The following APPBP2 variants were observed in gnomAD, a reference collection of about 807,000 sequenced individuals.
The protein encoded by APPBP2 is amyloid beta precursor protein binding protein 2.
A neutral mutation model predicts 76.0 loss-of-function variants in APPBP2; 15 were observed. The observed-to-expected ratio is 0.20, with a 90% CI of 0.13 to 0.30. The LOEUF (loss-of-function observed/expected upper bound fraction) is 0.30. Ranked by LOEUF, APPBP2 falls within the 10% of genes least tolerant of loss-of-function variation. APPBP2 has a pLI of 1.00. For synonymous variants in APPBP2, 222 were observed against 242.2 expected (o/e 0.92, Z 0.77); for missense variants, 401 against 687.2 (o/e 0.58, Z 4.66).
chr17:60,492,342 C>A (rs530200676), intron 3 of APPBP2, among the ~76,000 whole-genome samples: 4 of 152,342 alleles, frequency 2.6e-5, no homozygotes, highest in East Asian at 1.9e-4. Flanking sequence ...CCCACTGGGG[C>A]ACTGCCTAGT....
In APPBP2 at chr17:60,500,368, A is replaced by G. The variant is rs200751353; in HGVS notation, c.227+31T>C. On this transcript the variant is annotated intron_variant, in intron 2 of 12. Coordinates refer to ENST00000083182, the MANE Select transcript of APPBP2 (RefSeq NM_006380.5). ...TAAAATGGTAAATTTTATGTTATGT[A>G]TATTTTACAATTTTTTAAAAAAGAA... 112 of 1,409,574 alleles carry G rather than the reference A, an allele frequency of 7.9e-5. 1 individual carries two copies. The African/African-American group carries it at 1.2e-3, about 16-fold the overall frequency. The allele number at this position is 1,409,574 out of a possible 1,614,324, so 87.3% of individuals were successfully genotyped here.
chr17:60,517,610 T>C (rs547321250), intron 1 of APPBP2, among the ~76,000 whole-genome samples: 9 of 152,230 alleles, frequency 5.9e-5, no homozygotes, highest in Admixed American at 2.6e-4. Flanking sequence ...CAGAAATTAA[T>C]TAACCAATAC....
rs147142881 is a variant in APPBP2 at position 60,463,158 on chromosome 17, T to C, written c.762+863A>G. ...GAGAAATATTAGACTCTCTCAGATC[T>C]ATAATTTTGGAATCTATTTTCTAGT... is the stretch of plus-strand genomic sequence containing the variant. On this transcript the variant is annotated intron_variant, in intron 6 of 12. Coordinates refer to ENST00000083182, the MANE Select transcript of APPBP2 (RefSeq NM_006380.5). Among the ~76,000 whole-genome samples, 754 of 152,340 alleles carry C rather than the reference T, an allele frequency of 4.9e-3. 6 individuals are homozygous for C. The highest frequency in any genetic ancestry group is 0.017 in the African/African-American group (715 of 41,574).
intron 1 of APPBP2, among the ~76,000 whole-genome samples, chr17:60,507,014 G>A (rs975697576): frequency 2.0e-5 from 3 of 152,144 alleles, no homozygotes; most frequent in South Asian, 2.1e-4. Context: ...CCAGCCTGGC[G>A]ATAGAGCAAG....
intron 2 of APPBP2, 133 bp downstream of exon 2, chr17:60,500,266 C>T: frequency 1.7e-6 from 1 of 600,714 alleles, no homozygotes; most frequent in South Asian, 2.4e-5. Context: ...CTCAGCCTCC[C>T]AAAGTGCTGG....
intron 4 of APPBP2, among the ~76,000 whole-genome samples, chr17:60,472,933 T>C (rs2090563905): frequency 6.6e-6 from 1 of 152,226 alleles, no homozygotes; most frequent in African/African-American, 2.4e-5. Flanking sequence ...ATATCCCTTT[T>C]GTATTAACTA....
chr17:60,494,702 T>C (rs190773319), intron 2 of APPBP2, 85 bp from the exon 3 acceptor site: 116 of 1,179,720 alleles, frequency 9.8e-5, no homozygotes, highest in East Asian at 8.0e-4. Flanking sequence ...TTTTAAATAA[T>C]AGCACCATTA....
At chr17:60,496,798 G>A (rs983943063) in intron 2 of APPBP2, among the ~76,000 whole-genome samples, 1 of 152,126 alleles carries the variant, frequency 6.6e-6, no homozygotes, top group African/African-American at 2.4e-5. Context: ...TTGGCTCACT[G>A]CAACCTCCGC....
At chr17:60,447,864 A>C in intron 12 of APPBP2, 30 bp from the exon 13 acceptor site, 1 of 1,548,646 alleles carries the variant, frequency 6.5e-7, no homozygotes, top group Non-Finnish European at 8.7e-7. Context: ...GGAAAAAAAA[A>C]AAAGCACAAA....
chr17:60,494,947 G>A (rs58603030), intron 2 of APPBP2, among the ~76,000 whole-genome samples: 2,276 of 151,082 alleles, frequency 0.015, 49 homozygotes, highest in African/African-American at 0.051. Flanking sequence ...GTTTTTAAAA[G>A]GCAATGAAGA....
intron 1 of APPBP2, among the ~76,000 whole-genome samples, chr17:60,516,322 TG>T (rs2090963586): frequency 6.6e-6 from 1 of 152,238 alleles, no homozygotes. Flanking sequence ...GTTCAATTTT[TG>T]TGCATTTTAA....
intron 4 of APPBP2, among the ~76,000 whole-genome samples, chr17:60,467,255 T>C (rs73326454): frequency 9.4e-4 from 143 of 152,314 alleles, no homozygotes; most frequent in African/African-American, 3.1e-3. Context: ...AACAAAGGTA[T>C]AAAAGCTATT....
In APPBP2 at chr17:60,524,725, A is replaced by C. The variant is rs550558942; in HGVS notation, c.138+1069T>G. 9.0e-4 allele frequency among the ~76,000 whole-genome samples: 137 copies of C among 152,356 alleles called. No individual in the cohort carries two copies. The South Asian group carries it at 0.011, about 12-fold the overall frequency. On this transcript the variant is annotated intron_variant, in intron 1 of 12. Coordinates refer to ENST00000083182, the MANE Select transcript of APPBP2 (RefSeq NM_006380.5). ...ACGTAAGAACATAAACATCTGTTAAAATATCAGTTTACACTGTTCCAGCCA... is the reference window on the plus strand; with the variant it reads ...ACGTAAGAACATAAACATCTGTTAACATATCAGTTTACACTGTTCCAGCCA...
rs773567465 is a variant in APPBP2 at position 60,462,008 on chromosome 17, T to A, written c.816A>T (p.Ala272=). 1.9e-6 allele frequency: 3 copies of A among 1,613,380 alleles called. No homozygotes were observed. The African/African-American group carries it at 4.0e-5, about 22-fold the overall frequency. ...TAATCACCTACCGTGCCAAATACACTGCATGTTTAATTAACTGTTCTGCCT... is the reference window on the plus strand; with the variant it reads ...TAATCACCTACCGTGCCAAATACACAGCATGTTTAATTAACTGTTCTGCCT... ...FKKAEQLIKH[A]VYLARDHFGS... The change falls in exon 7 of 13, where the codon GCA becomes GCT. Residue 272 remains alanine (A), a synonymous_variant. Transcript: ENST00000083182.
intron 2 of APPBP2, among the ~76,000 whole-genome samples, chr17:60,497,923 G>C (rs2090789479): frequency 6.6e-6 from 1 of 152,066 alleles, no homozygotes; most frequent in African/African-American, 2.4e-5. Flanking sequence ...TGGATGGCTT[G>C]AGCTTAGGAG....
chr17:60,452,592 C>G (rs2090403104), intron 11 of APPBP2, among the ~76,000 whole-genome samples: 1 of 152,158 alleles, frequency 6.6e-6, no homozygotes. Flanking sequence ...AGACCTCTCA[C>G]TCTTTACTTA....
intron 4 of APPBP2, among the ~76,000 whole-genome samples, chr17:60,473,839 TTTTTA>T (rs932624231): frequency 2.0e-5 from 3 of 152,222 alleles, no homozygotes; most frequent in Admixed American, 1.3e-4. Flanking sequence ...CATCTGACAG[TTTTTA>T]TTTTATCTTT....
chr17:60,500,783 T>G (rs2143454167), intron 1 of APPBP2, among the ~76,000 whole-genome samples: 1 of 152,314 alleles, frequency 6.6e-6, no homozygotes, highest in East Asian at 1.9e-4. Flanking sequence ...AACTGTTAAC[T>G]TTTTTACTTA....
At chr17:60,520,863 T>C (rs2091004988) in intron 1 of APPBP2, among the ~76,000 whole-genome samples, 1 of 152,154 alleles carries the variant, frequency 6.6e-6, no homozygotes, top group Admixed American at 6.5e-5. Flanking sequence ...CACCTGGCCA[T>C]AAACTTCATT....
Sources: gnomAD v4.1 joint callset for allele counts (sites outside exome capture counted in the v4.1 genomes callset) on GRCh38, gnomAD v4.1.1 for gene constraint, MANE v1.5 for transcripts, NCBI Gene and HGNC (gene_info 2026-07-23, HGNC 2026-07-21) for gene names.